Variants in GORAB observed in about 807,000 individuals in gnomAD.
The protein encoded by GORAB is golgin, RAB6 interacting, also known as RAB6-interacting golgin.
In GORAB, 17 loss-of-function variants were observed where a neutral mutation model predicts 29.9. That is an observed-to-expected ratio of 0.57 (90% CI 0.39 to 0.85). The LOEUF is 0.85. Among genes scored for constraint, GORAB ranks in the 40% least tolerant of loss-of-function variants. The pLI is 0.00. For synonymous variants in GORAB, 183 were observed against 157.2 expected, an observed-to-expected ratio of 1.16 and a Z score of -1.23; for missense variants, 442 against 437.8, an observed-to-expected ratio of 1.01 and a Z score of -0.09.
intron 3 of GORAB, 100 bp from the exon 4 acceptor site, chr1:170,544,605 A>G: frequency 1.3e-6 from 1 of 748,230 alleles, no homozygotes; most frequent in Non-Finnish European, 2.1e-6. Flanking sequence ...AATATAAATT[A>G]TAAATGTATA....
chr1:170,548,914 T>TA lies in GORAB; in HGVS notation c.663-3098dup, dbSNP rs1350817881. 1.2e-4 allele frequency among the ~76,000 whole-genome samples: 19 copies of TA among 152,282 alleles called. No individual in the cohort carries two copies. The East Asian group carries it at 3.7e-3, about 29-fold the overall frequency. On this transcript the variant is annotated intron_variant, in intron 4 of 4. Coordinates refer to ENST00000367763, the MANE Select transcript of GORAB (RefSeq NM_152281.3). ...TATAATTTATTTTATTCTGTTTTTTTAAATAAGTAAATTTTCTCATTATTT... is the reference window on the plus strand; with the variant it reads ...TATAATTTATTTTATTCTGTTTTTTTAAAATAAGTAAATTTTCTCATTATTT...
Position 170,552,670 on chromosome 1 carries a change from GC to G in GORAB, c.*211del, listed in dbSNP as rs1038343903. ...AGGGGTATGTTTCACCTTGATTTTG[GC>G]CCGGTTCTTTCAGTGTTCCGTTTAC... is the stretch of plus-strand genomic sequence containing the variant. On this transcript the variant is annotated 3_prime_UTR_variant, in exon 5 of 5. Transcript: ENST00000367763. 7 of 618,634 alleles carry G rather than the reference GC, an allele frequency of 1.1e-5. No individual in the cohort carries two copies. The highest frequency in any genetic ancestry group is 1.8e-5 in the Non-Finnish European group (6 of 334,416). 38.3% of individuals were successfully genotyped at this position (618,634 alleles called of 1,614,324 possible).
chr1:170,544,928 A>G (rs897661295), intron 4 of GORAB, 83 bp downstream of exon 4: 22 of 1,553,512 alleles, frequency 1.4e-5, no homozygotes, highest in East Asian at 4.5e-5. Flanking sequence ...TTTTATGTAT[A>G]TCATCATTGA....
intron 3 of GORAB, 135 bp downstream of exon 3, chr1:170,542,727 A>C: frequency 1.4e-6 from 1 of 735,000 alleles, no homozygotes. Flanking sequence ...TAACTAAACA[A>C]ATTATGCTTT....
At chr1:170,532,706 GA>G in intron 1 of GORAB, 1 of 189,036 alleles carries the variant, frequency 5.3e-6, no homozygotes, top group Non-Finnish European at 1.1e-5. Context: ...CAGATGGTTG[GA>G]AAAAAGGAGC....
At position 170,552,762 on chromosome 1, in the gene GORAB, G is replaced by T. The variant is rs894264276; in HGVS notation, c.*300G>T. The T allele has an allele frequency of 4.2e-6, 2 of 479,990 alleles. No homozygotes were observed. Among genetic ancestry groups the T allele is most frequent in the African/African-American group, 2.0e-5 (1 of 51,094 alleles). The allele number at this position is 479,990 out of a possible 1,614,324, so 29.7% of individuals were successfully genotyped here. ...AAACTACATGGTTGGAGTGTTTTTAGATCAGATAAATATAGAAAAGTAAAA... is the reference window on the plus strand; with the variant it reads ...AAACTACATGGTTGGAGTGTTTTTATATCAGATAAATATAGAAAAGTAAAA... On this transcript the variant is annotated 3_prime_UTR_variant, in exon 5 of 5. Coordinates refer to ENST00000367763, the MANE Select transcript of GORAB (RefSeq NM_152281.3).
rs1214527229 is a variant in GORAB, at chr1:170,547,416, CTG to C, written c.662+2572_662+2573del. On this transcript the variant is annotated intron_variant, in intron 4 of 4. Coordinates refer to ENST00000367763, the MANE Select transcript of GORAB (RefSeq NM_152281.3). ...AGAGTTGCTGCTGCTGCTGCTGCTA[CTG>C]CTGCTACTGCTGCTACTGCTGCTAC... is the stretch of plus-strand genomic sequence containing the variant. Among the ~76,000 whole-genome samples the C allele has an allele frequency of 0.011, 29 of 2,678 alleles. No homozygotes were observed. In the South Asian group the frequency reaches 0.5, roughly 46 times the overall value. The allele number at this position is 2,678 out of a possible 152,430, so 1.8% of individuals were successfully genotyped here.
chr1:170,539,626 T>C (rs967933374), intron 2 of GORAB, 59 bp downstream of exon 2: 1 of 1,552,036 alleles, frequency 6.4e-7, no homozygotes, highest in Non-Finnish European at 8.8e-7. Flanking sequence ...TTTTTCCCAA[T>C]GGGCTTTAAG....
At chr1:170,536,078 T>G (rs1366297619) in intron 1 of GORAB, among the ~76,000 whole-genome samples, 2 of 152,164 alleles carry the variant, frequency 1.3e-5, no homozygotes, top group Non-Finnish European at 2.9e-5. Flanking sequence ...GCATTGAATC[T>G]TTAGATCAAT....
chr1:170,539,500 G>A lies in GORAB; in HGVS notation c.352G>A (p.Gly118Ser). 1 of 1,614,022 alleles carries A rather than the reference G, an allele frequency of 6.2e-7. No individual in the cohort carries two copies. Among genetic ancestry groups the A allele is most frequent in the Non-Finnish European group, 8.5e-7 (1 of 1,179,940 alleles). Residue 118 changes from glycine (G) to serine (S), a missense_variant, in exon 2 of 5, where the codon GGT becomes AGT. By Grantham distance (56) the Gly-to-Ser change is moderately conservative (BLOSUM62 0). Coordinates refer to ENST00000367763, the MANE Select transcript of GORAB (RefSeq NM_152281.3). ...ACTGGGACTTGAGAATTCCCATGATGGTCACAACAATGTTGAGATTCTACC... is the reference window on the plus strand; with the variant it reads ...ACTGGGACTTGAGAATTCCCATGATAGTCACAACAATGTTGAGATTCTACC... The part of the protein sequence containing the change: ...KELGLENSHD[G>S]HNNVEILPPK...
intron 4 of GORAB, among the ~76,000 whole-genome samples, 161 bp from the exon 5 acceptor site, chr1:170,551,854 T>C (rs911553159): frequency 6.6e-6 from 1 of 152,244 alleles, no homozygotes; most frequent in Non-Finnish European, 1.5e-5. Context: ...CATAGCCTAG[T>C]CTGGCCAACA....
chr1:170,535,797 A>G (rs1201168434), intron 1 of GORAB, among the ~76,000 whole-genome samples: 2 of 151,982 alleles, frequency 1.3e-5, no homozygotes, highest in Admixed American at 1.3e-4. Context: ...GGTTCAAGAA[A>G]TTCTTCCTCA....
chr1:170,539,282 T>C lies in GORAB; in HGVS notation c.134T>C (p.Val45Ala). 1.2e-6 allele frequency: 2 copies of C among 1,614,196 alleles called. No individual in the cohort carries two copies. The highest frequency in any genetic ancestry group is 1.7e-6 in the Non-Finnish European group (2 of 1,180,018). ...CAACTTCAGCGAGAAAAAGCCCTTGTAGAGCAAAGCCAAAAACTTGGGCTT... is the reference window on the plus strand; with the variant it reads ...CAACTTCAGCGAGAAAAAGCCCTTGCAGAGCAAAGCCAAAAACTTGGGCTT... ...RQQLQREKAL[V>A]EQSQKLGLQD... Residue 45 changes from valine to alanine, a missense_variant, in exon 2 of 5, where the codon GTA (valine) becomes GCA (alanine). Val to Ala is a moderately conservative substitution (Grantham distance 64, BLOSUM62 0). Transcript: ENST00000367763.
intron 4 of GORAB, among the ~76,000 whole-genome samples, chr1:170,546,546 C>T (rs1434699188): frequency 4.6e-5 from 7 of 152,188 alleles, no homozygotes. Context: ...AAGGAAAAAA[C>T]ATCCTATAGT....
intron 1 of GORAB, chr1:170,533,331 G>T (rs895896675): frequency 1.2e-5 from 3 of 243,680 alleles, no homozygotes; most frequent in Admixed American, 1.2e-4. Context: ...ATTTTGACTG[G>T]TCCAGGGGAC....
Position 170,552,300 on chromosome 1 carries a change from G to T in GORAB, c.948G>T (p.Glu316Asp). The T allele has an allele frequency of 6.2e-7, 1 of 1,614,160 alleles. No individual in the cohort carries two copies. Among genetic ancestry groups the T allele is most frequent in the Non-Finnish European group, 8.5e-7 (1 of 1,179,976 alleles). ...AGAGGCCATTTCAGCCTGCGGAGGAGAGTGTGACATTAGAATTTGCTAAAG... is the reference window on the plus strand; with the variant it reads ...AGAGGCCATTTCAGCCTGCGGAGGATAGTGTGACATTAGAATTTGCTAAAG... ...RLERPFQPAE[E>D]SVTLEFAKEN... Residue 316 changes from glutamate to aspartate, a missense_variant, in exon 5 of 5, where the codon GAG (glutamate) becomes GAT (aspartate). Coordinates refer to ENST00000367763, the MANE Select transcript of GORAB (RefSeq NM_152281.3).
intron 3 of GORAB, among the ~76,000 whole-genome samples, chr1:170,543,120 T>C (rs1348180173): frequency 3.9e-5 from 6 of 152,202 alleles, no homozygotes; most frequent in Non-Finnish European, 8.8e-5. Flanking sequence ...GTCATTATTA[T>C]GAGCACTGTG....
intron 4 of GORAB, among the ~76,000 whole-genome samples, chr1:170,549,565 T>G (rs1001920071): frequency 6.6e-6 from 1 of 152,120 alleles, no homozygotes; most frequent in Non-Finnish European, 1.5e-5. Context: ...AAAGGGAGGT[T>G]TGAGGCAGGG....
intron 4 of GORAB, among the ~76,000 whole-genome samples, chr1:170,546,413 A>T (rs1314336292): frequency 2.0e-5 from 3 of 152,056 alleles, no homozygotes; most frequent in Non-Finnish European, 2.9e-5. Context: ...AAAGAAAAGT[A>T]ATTTGATTTT....
Sources: allele counts gnomAD v4.1 joint callset (sites outside exome capture counted in the v4.1 genomes callset), GRCh38; gene constraint gnomAD v4.1.1; transcripts MANE v1.5; gene names NCBI Gene and HGNC (gene_info 2026-07-23, HGNC 2026-07-21).